ALOX12B: variants seen among roughly 807,000 people sequenced by gnomAD.
The protein encoded by ALOX12B is arachidonate 12-lipoxygenase, 12R-type.
A neutral mutation model predicts 78.9 loss-of-function variants in ALOX12B; 47 were observed. The observed-to-expected ratio is 0.60, with a 90% CI of 0.47 to 0.76. The LOEUF (loss-of-function observed/expected upper bound fraction) is 0.76, where lower values mean the gene tolerates loss of function less well. Among genes scored for constraint, ALOX12B ranks in the 30% least tolerant of loss-of-function variants. The pLI is 0.00. For synonymous variants in ALOX12B, 370 were observed against 374.5 expected, an observed-to-expected ratio of 0.99 and a Z score of 0.14; for missense variants, 805 against 922.6, an observed-to-expected ratio of 0.87 and a Z score of 1.65.
chr17:8,078,786 C>T (rs987695390), intron 8 of ALOX12B, among the ~76,000 whole-genome samples: 1 of 151,760 alleles, frequency 6.6e-6, no homozygotes, highest in Non-Finnish European at 1.5e-5. Context: ...CAGCCCATAC[C>T]GGGCTTTTGT....
At chr17:8,083,827 T>TCTCCATTTTACAGC (rs1978290489) in intron 2 of ALOX12B, among the ~76,000 whole-genome samples, 1 of 151,926 alleles carries the variant, frequency 6.6e-6, no homozygotes, top group African/African-American at 2.4e-5. Flanking sequence ...TCTGTTGTTA[T>TCTCCATTTTACAGC]CTCCATTTTA....
At chr17:8,081,586 C>G (rs967928732) in intron 2 of ALOX12B, 1 of 295,070 alleles carries the variant, frequency 3.4e-6, no homozygotes, top group African/African-American at 2.2e-5. Context: ...ATCATCCACC[C>G]CCTCCCATCC....
At chr17:8,075,571 T>C (rs1431442586) in intron 12 of ALOX12B, 24 bp downstream of exon 12, 2 of 1,613,664 alleles carry the variant, frequency 1.2e-6, no homozygotes, top group East Asian at 2.2e-5. Flanking sequence ...CTCCCCCTGA[T>C]TGCCCAGGTG....
intron 8 of ALOX12B, among the ~76,000 whole-genome samples, chr17:8,077,514 C>A (rs74598453): frequency 0.012 from 1,762 of 152,332 alleles, 25 homozygotes; most frequent in African/African-American, 0.04. Context: ...CATTCAGGTG[C>A]GCAGGTTGTG....
In ALOX12B at chr17:8,087,632, C is replaced by G. The variant is rs1978307231; in HGVS notation, c.-190G>C. On this transcript the variant is annotated 5_prime_UTR_variant, in exon 1 of 15. Transcript: ENST00000647874. Reference sequence around the variant, plus strand: ...GCCAAATTCTGGAAAAGCTGCTGCCCTTGGTGGCCGGGGTGGGTGCCGGGC... The same window carrying G: ...GCCAAATTCTGGAAAAGCTGCTGCCGTTGGTGGCCGGGGTGGGTGCCGGGC... The G allele has an allele frequency of 4.1e-6, 4 of 970,374 alleles. No homozygotes were observed. In the East Asian group the frequency reaches 1.1e-4, roughly 26 times the overall value. 60.1% of individuals were successfully genotyped at this position (970,374 alleles called of 1,614,324 possible). A position where few individuals can be genotyped will look rare whatever the true frequency, so the allele number is the denominator to read the frequency against.
In ALOX12B at chr17:8,079,455, C is replaced by T; in HGVS notation, c.1012G>A (p.Ala338Thr). ...CCAAAGTGCAGCAGGCAGAGGGGGG[C>T]GCAGTGGTGCTGCTTCCGGCCGCTG... is the stretch of plus-strand genomic sequence containing the variant. ...ELSGRKQHHC[A>T]PLCLLHFGPE... The change falls in exon 8 of 15, where the codon GCC becomes ACC. Residue 338 changes from alanine (A) to threonine (T), a missense_variant. By Grantham distance (58) the Ala-to-Thr change is moderately conservative. Transcript: ENST00000647874. The surrounding 1 kb of genome is among the most constrained non-coding windows in gnomAD (Gnocchi z 6.4). 1 of 1,551,128 alleles carries T rather than the reference C, an allele frequency of 6.4e-7. No individual in the cohort carries two copies. Among genetic ancestry groups the T allele is most frequent in the East Asian group, 2.4e-5 (1 of 40,962 alleles).
At position 8,077,109 on chromosome 17, in the gene ALOX12B, G is replaced by C; in HGVS notation, c.1156C>G (p.Arg386Gly). ...WDWLLAKTWV[R>G]YAEFYSHEAI... is the part of the protein sequence containing the mutation. The stretch of plus-strand genomic sequence containing the variant: ...TCGTGGCTGTAGAACTCCGCATAGC[G>C]TACCCACGTCTTGGCTAGCAGCCAG... The change falls in exon 9 of 15, where the codon CGC (arginine) becomes GGC (glycine). Residue 386 changes from arginine to glycine, a missense_variant. Coordinates refer to ENST00000647874, the MANE Select transcript of ALOX12B (RefSeq NM_001139.3). 1 of 1,613,988 alleles carries C rather than the reference G, an allele frequency of 6.2e-7. No homozygotes were observed.
chr17:8,072,984 GC>G lies in ALOX12B; in HGVS notation c.1927-35del, dbSNP rs544742656. 7.4e-3 allele frequency: 11,883 copies of G among 1,601,248 alleles called. 51 individuals are homozygous for G. Among genetic ancestry groups the G allele is most frequent in the Non-Finnish European group, 9.0e-3 (10,519 of 1,172,608 alleles). On this transcript the variant is annotated intron_variant, in intron 14 of 14. Coordinates refer to ENST00000647874, the MANE Select transcript of ALOX12B (RefSeq NM_001139.3). ...AGAGAGCTCGACAGCTGGGACCAGG[GC>G]CGGCCAGCACCCCCTCCTCCTGCCG...
At chr17:8,075,862 A>G (rs1324030422) in intron 11 of ALOX12B, 146 bp from the exon 12 acceptor site, 19 of 1,376,472 alleles carry the variant, frequency 1.4e-5, no homozygotes, top group Non-Finnish European at 1.9e-5. Context: ...GTGGGGCAGA[A>G]GTGGAGAGGA....
At position 8,077,182 on chromosome 17, in the gene ALOX12B, G is replaced by A; in HGVS notation, c.1083C>T (p.Thr361=). The A allele has an allele frequency of 6.2e-7, 1 of 1,612,164 alleles. No individual in the cohort carries two copies. The highest frequency in any genetic ancestry group is 1.3e-5 in the African/African-American group (1 of 74,984). ...GGAAGATGGGGCAATCTGGCCCAGG[G>A]GTCTGGCTGAGCTAGGTGTGGTGAA... The part of the protein sequence containing the change: ...MMPIAIQLSQ[T]PGPDCPIFLP... The change falls in exon 9 of 15, where the codon ACC becomes ACT. Residue 361 remains threonine (T), a synonymous_variant. Coordinates refer to ENST00000647874, the MANE Select transcript of ALOX12B (RefSeq NM_001139.3).
At chr17:8,075,366 C>T (rs898629714) in intron 12 of ALOX12B, among the ~76,000 whole-genome samples, 4 of 152,218 alleles carry the variant, frequency 2.6e-5, no homozygotes, top group African/African-American at 7.2e-5. Flanking sequence ...AGCCCCTAAT[C>T]TCAGACAGGG....
At position 8,076,675 on chromosome 17, in the gene ALOX12B, C is replaced by G. The variant is rs376969209; in HGVS notation, c.1344G>C (p.Glu448Asp). 4.1e-5 allele frequency: 64 copies of G among 1,551,510 alleles called. No individual in the cohort carries two copies. The highest frequency in any genetic ancestry group is 1.9e-4 in the South Asian group (16 of 84,038). The part of the protein sequence containing the change: ...NSIGRAVLLN[E>D]GGLSAKGMSL... ...GTCTTACCTTGGCAGAGAGCCCCCC[C>G]TCATTGAGGAGAACGGCCCGGCCAA... is the stretch of plus-strand genomic sequence containing the variant. The change falls in exon 10 of 15, where the codon GAG (glutamate) becomes GAC (aspartate). Residue 448 changes from glutamate to aspartate, a missense_variant. Transcript: ENST00000647874.
chr17:8,076,047 C>A (rs1977072881), intron 11 of ALOX12B, 128 bp downstream of exon 11: 1 of 1,267,132 alleles, frequency 7.9e-7, no homozygotes, highest in South Asian at 1.2e-5. Context: ...AGACCCCAGG[C>A]CCCTTCCCCA....
rs1188777651 is a variant in ALOX12B, at chr17:8,081,193, G to C, written c.353-6C>G. On this transcript the variant is annotated splice_region_variant and splice_polypyrimidine_tract_variant and intron_variant, in intron 2 of 14. Transcript: ENST00000647874. ...GTCATCTGCTGTTGTCTTTCCTGTA[G>C]GGAGACCAAGGAGAGGACTCAAGGG... The C allele has an allele frequency of 6.2e-7, 1 of 1,613,792 alleles. No homozygotes were observed. Among genetic ancestry groups the C allele is most frequent in the African/African-American group, 1.3e-5 (1 of 74,992 alleles).
chr17:8,073,053 C>T, intron 14 of ALOX12B, 95 bp downstream of exon 14: 5 of 1,603,976 alleles, frequency 3.1e-6, no homozygotes. Context: ...TGGCCTCTCA[C>T]TCCCTGCTCC....
chr17:8,080,210 C>T lies in ALOX12B; in HGVS notation c.754+25G>A, dbSNP rs375296555. ...CGGAGACCGCCTGGCTCCCCCTGCT[C>T]GATCCGGGACGCCCCATTCCATACC... On this transcript the variant is annotated intron_variant, in intron 6 of 14. Transcript: ENST00000647874. The surrounding 1 kb of genome is among the most constrained non-coding windows in gnomAD (Gnocchi z 4.8). 6.2e-7 allele frequency: 1 copy of T among 1,609,942 alleles called. No homozygotes were observed. Among genetic ancestry groups the T allele is most frequent in the South Asian group, 1.1e-5 (1 of 90,986 alleles).
Position 8,076,076 on chromosome 17 carries a change from A to G in ALOX12B, c.1532+99T>C. The G allele has an allele frequency of 2.6e-6, 4 of 1,511,440 alleles. No homozygotes were observed. The South Asian group carries it at 3.4e-5, about 13-fold the overall frequency. 93.6% of individuals were successfully genotyped at this position (1,511,440 alleles called of 1,614,324 possible). A position where few individuals can be genotyped will look rare whatever the true frequency, so the allele number is the denominator to read the frequency against. ...TTCCCCAAGGCCAAGCCCCTGGATG[A>G]CACCAGACCCACACTCAGTTCTCTA... On this transcript the variant is annotated intron_variant, in intron 11 of 14. Coordinates refer to ENST00000647874, the MANE Select transcript of ALOX12B (RefSeq NM_001139.3).
Position 8,087,572 on chromosome 17 carries a change from GGT to G in ALOX12B, c.-132_-131del. ...ACAGGGCTGGCCTCCGAGGTGCAGTGGTGAGGTGGCGAGGTGGGGTGACTAGG... is the reference window on the plus strand; with the variant it reads ...ACAGGGCTGGCCTCCGAGGTGCAGTGGAGGTGGCGAGGTGGGGTGACTAGG... On this transcript the variant is annotated 5_prime_UTR_variant, in exon 1 of 15. Coordinates refer to ENST00000647874, the MANE Select transcript of ALOX12B (RefSeq NM_001139.3). 1 of 1,484,198 alleles carries G rather than the reference GGT, an allele frequency of 6.7e-7. No homozygotes were observed. Among genetic ancestry groups the G allele is most frequent in the Non-Finnish European group, 9.2e-7 (1 of 1,084,944 alleles). 91.9% of individuals were successfully genotyped at this position (1,484,198 alleles called of 1,614,324 possible). A position where few individuals can be genotyped will look rare whatever the true frequency, so the allele number is the denominator to read the frequency against.
intron 8 of ALOX12B, among the ~76,000 whole-genome samples, chr17:8,078,115 TTTTATTTA>T (rs200983287): frequency 0.067 from 9,633 of 143,194 alleles, 393 homozygotes; most frequent in African/African-American, 0.11. Flanking sequence ...TTTTATTTCA[TTTTATTTA>T]TTTATTTATT....
Sources: gnomAD v4.1 joint callset for allele counts (sites outside exome capture counted in the v4.1 genomes callset) on GRCh38, gnomAD v4.1.1 for gene constraint, Gnocchi (gnomAD v3.1) non-coding constraint, MANE v1.5 for transcripts, NCBI Gene and HGNC (gene_info 2026-07-23, HGNC 2026-07-21) for gene names.